NR6A1: variants seen among roughly 807,000 people sequenced by gnomAD.
NR6A1 encodes the protein nuclear receptor subfamily 6 group A member 1.
In NR6A1, 7 loss-of-function variants were observed where a neutral mutation model predicts 59.1. That is an observed-to-expected ratio of 0.12 (90% confidence interval 0.07 to 0.22). The LOEUF (loss-of-function observed/expected upper bound fraction) is 0.22. NR6A1 is among the 10% of genes least tolerant of loss of function. The probability of loss-of-function intolerance (pLI) is 1.00; values close to 1 mark genes in which losing one functional copy is unlikely to be tolerated. For missense variants in NR6A1, 468 were observed against 611.6 expected (o/e 0.77, Z 2.48); for synonymous variants, 243 against 236.1 (o/e 1.03, Z -0.27).
chr9:124,672,854 G>A (rs1837836390), intron 2 of NR6A1, among the ~76,000 whole-genome samples: 1 of 151,968 alleles, frequency 6.6e-6, no homozygotes, highest in Non-Finnish European at 1.5e-5. Context: ...TATTTGAGGG[G>A]CAGACTTAAT....
chr9:124,686,827 CTGAGT>C (rs1376768205), intron 2 of NR6A1, among the ~76,000 whole-genome samples: 2 of 152,130 alleles, frequency 1.3e-5, no homozygotes, highest in Middle Eastern at 3.4e-3. Flanking sequence ...CCTCAGCCTC[CTGAGT>C]AGCTGGAGCC....
intron 2 of NR6A1, among the ~76,000 whole-genome samples, chr9:124,725,781 TAAG>T (rs2131107704): frequency 6.6e-6 from 1 of 152,150 alleles, no homozygotes; most frequent in African/African-American, 2.4e-5. Context: ...CTAGTCAACT[TAAG>T]AGAAAAATAC....
chr9:124,681,337 G>GC (rs1249628834), intron 2 of NR6A1, among the ~76,000 whole-genome samples: 2 of 133,336 alleles, frequency 1.5e-5, no homozygotes, highest in Non-Finnish European at 3.3e-5. Context: ...TAACATTTGA[G>GC]CTTTTTTTTT....
intron 2 of NR6A1, among the ~76,000 whole-genome samples, chr9:124,663,407 G>C (rs1325328428): frequency 1.3e-5 from 2 of 152,170 alleles, no homozygotes; most frequent in African/African-American, 2.4e-5. Context: ...TTAGGGTCAA[G>C]TGAACAGGGG....
At chr9:124,694,078 CTTA>C (rs973965689) in intron 2 of NR6A1, among the ~76,000 whole-genome samples, 37 of 152,210 alleles carry the variant, frequency 2.4e-4, no homozygotes, top group African/African-American at 8.7e-4. Flanking sequence ...GAATCATATG[CTTA>C]TTATTTAGAA....
chr9:124,731,232 T>G (rs1482255067), intron 2 of NR6A1, among the ~76,000 whole-genome samples: 8 of 152,020 alleles, frequency 5.3e-5, no homozygotes, highest in Non-Finnish European at 8.8e-5. Context: ...TAGCCAGCCA[T>G]GGTTGCGCAC....
At chr9:124,740,930 T>C (rs953593070) in intron 1 of NR6A1, among the ~76,000 whole-genome samples, 2 of 152,194 alleles carry the variant, frequency 1.3e-5, no homozygotes, top group African/African-American at 4.8e-5. Flanking sequence ...GAACTGTTTC[T>C]TTCACCAGAA....
At chr9:124,539,913 G>C in intron 5 of NR6A1, 120 bp downstream of exon 5, 1 of 1,158,490 alleles carries the variant, frequency 8.6e-7, no homozygotes, top group Non-Finnish European at 1.2e-6. Context: ...AAGAGTCTGA[G>C]GGAGCAACAG....
At chr9:124,630,301 T>C (rs1314187241) in intron 2 of NR6A1, among the ~76,000 whole-genome samples, 1 of 147,968 alleles carries the variant, frequency 6.8e-6, no homozygotes, top group African/African-American at 2.5e-5. Context: ...CTGCAACCTC[T>C]GCCTCCCAGG....
intron 9 of NR6A1, among the ~76,000 whole-genome samples, chr9:124,523,451 C>CT (rs1267167200): frequency 6.6e-6 from 1 of 152,066 alleles, no homozygotes; most frequent in Non-Finnish European, 1.5e-5. Flanking sequence ...TTCGAAAACA[C>CT]TGATTATCTC....
At chr9:124,606,782 C>T (rs535682748) in intron 2 of NR6A1, among the ~76,000 whole-genome samples, 1 of 152,314 alleles carries the variant, frequency 6.6e-6, no homozygotes, top group South Asian at 2.1e-4. Context: ...TGTGCCATCA[C>T]CCGCTGGCAG....
chr9:124,690,314 T>A (rs1838492806), intron 2 of NR6A1, among the ~76,000 whole-genome samples: 2 of 152,170 alleles, frequency 1.3e-5, no homozygotes, highest in Admixed American at 1.3e-4. Context: ...TATCAAGAAG[T>A]CCCAGGAAGA....
rs1383013985 is a variant in NR6A1 at position 124,519,552 on chromosome 9, G to A, written c.*3153C>T. 6.6e-6 allele frequency: 1 copy of A among 152,134 alleles called. No individual in the cohort carries two copies. Among genetic ancestry groups the A allele is most frequent in the Non-Finnish European group, 1.5e-5 (1 of 68,036 alleles). 9.4% of individuals were successfully genotyped at this position (152,134 alleles called of 1,614,324 possible). ...CTTGCATGTTTCAATGTAGTGCAAG[G>A]AGGTGGGATTCTCCTTTTCCATGTA... On this transcript the variant is annotated 3_prime_UTR_variant, in exon 10 of 10. Coordinates refer to ENST00000487099, the MANE Select transcript of NR6A1 (RefSeq NM_033334.4).
intron 2 of NR6A1, among the ~76,000 whole-genome samples, chr9:124,630,804 G>A (rs540279380): frequency 4.2e-5 from 6 of 142,888 alleles, no homozygotes; most frequent in Admixed American, 7.4e-5. Context: ...TCAGCCTCCC[G>A]AGTGGCTGGG....
chr9:124,742,506 G>A (rs535097572), intron 1 of NR6A1, among the ~76,000 whole-genome samples: 4 of 152,032 alleles, frequency 2.6e-5, no homozygotes, highest in Admixed American at 6.5e-5. Context: ...GTTGTGGTGA[G>A]CCGAGATCGC....
chr9:124,533,659 T>G (rs1457875733), intron 7 of NR6A1, among the ~76,000 whole-genome samples: 1 of 152,098 alleles, frequency 6.6e-6, no homozygotes, highest in African/African-American at 2.4e-5. Context: ...GGGCACCTTT[T>G]TTTTTTTTGA....
At chr9:124,616,601 T>C (rs1835901994) in intron 2 of NR6A1, among the ~76,000 whole-genome samples, 1 of 152,004 alleles carries the variant, frequency 6.6e-6, no homozygotes, top group Admixed American at 6.6e-5. Flanking sequence ...TCCCAAAATA[T>C]ATATACATAC....
intron 1 of NR6A1, among the ~76,000 whole-genome samples, chr9:124,769,143 T>G (rs1269768570): frequency 6.6e-6 from 1 of 152,144 alleles, no homozygotes; most frequent in East Asian, 1.9e-4. Context: ...CTTCCCCCTT[T>G]GTGACACGGA....
At chr9:124,587,835 A>G (rs1834979727) in intron 2 of NR6A1, among the ~76,000 whole-genome samples, 1 of 152,184 alleles carries the variant, frequency 6.6e-6, no homozygotes, top group Non-Finnish European at 1.5e-5. Context: ...CATCAGAACC[A>G]AAGGTTCTGC....
Sources: allele counts gnomAD v4.1 joint callset (sites outside exome capture counted in the v4.1 genomes callset), GRCh38; gene constraint gnomAD v4.1.1; transcripts MANE v1.5; gene names NCBI Gene and HGNC (gene_info 2026-07-23, HGNC 2026-07-21).